The following PIEZO2 variants were observed in gnomAD, a reference collection of about 807,000 sequenced individuals.
The protein encoded by PIEZO2 is piezo-type mechanosensitive ion channel component 2.
PIEZO2 carries 172 observed loss-of-function variants against 337.3 expected under a neutral mutation model. The observed-to-expected ratio is 0.51, with a 90% CI of 0.45 to 0.58. The LOEUF (loss-of-function observed/expected upper bound fraction) is 0.58, where lower values mean the gene tolerates loss of function less well. PIEZO2 is among the 20% of genes least tolerant of loss of function. PIEZO2 has a pLI of 0.00. For synonymous variants in PIEZO2, 1,251 were observed against 1,228.5 expected, an observed-to-expected ratio of 1.02 and a Z score of -0.38; for missense variants, 3,028 against 3,391.3, an observed-to-expected ratio of 0.89 and a Z score of 2.66.
chr18:10,712,403 A>C (rs2035856575), intron 39 of PIEZO2, among the ~76,000 whole-genome samples: 1 of 152,250 alleles, frequency 6.6e-6, no homozygotes, highest in South Asian at 2.1e-4. Flanking sequence ...TAAAGAGAGA[A>C]TGATTCAGTT....
intron 2 of PIEZO2, among the ~76,000 whole-genome samples, chr18:10,986,269 A>G (rs2034867178): frequency 6.6e-6 from 1 of 152,038 alleles, no homozygotes; most frequent in South Asian, 2.1e-4. Flanking sequence ...AATGACAGAA[A>G]AGAATTCTAC....
chr18:11,045,438 C>T (rs1244040576), intron 2 of PIEZO2, among the ~76,000 whole-genome samples: 6 of 151,958 alleles, frequency 3.9e-5, no homozygotes, highest in African/African-American at 1.4e-4. Context: ...CCGTGAGACA[C>T]ATCACAGCCT....
chr18:11,068,697 A>T (rs1026252785), intron 1 of PIEZO2, among the ~76,000 whole-genome samples: 2 of 152,192 alleles, frequency 1.3e-5, no homozygotes, highest in African/African-American at 4.8e-5. Flanking sequence ...CCAGAAACAA[A>T]TGAAACAGAC....
At position 10,998,896 on chromosome 18, in the gene PIEZO2, G is replaced by A. The variant is rs377121245; in HGVS notation, c.161-19236C>T. Among the ~76,000 whole-genome samples the A allele has an allele frequency of 2.4e-4, 36 of 148,788 alleles. No homozygotes were observed. In the South Asian group the frequency reaches 2.8e-3, roughly 11 times the overall value. ...AAAAAAAAAGAAAGATTGTCACTGC[G>A]TAGATTCCAGTCAGGAACTGGGATT... On this transcript the variant is annotated intron_variant, in intron 2 of 55. Transcript: ENST00000674853.
intron 7 of PIEZO2, among the ~76,000 whole-genome samples, chr18:10,808,764 C>T (rs970635978): frequency 6.6e-6 from 1 of 152,116 alleles, no homozygotes; most frequent in Admixed American, 6.5e-5. Context: ...AATGTTTTTG[C>T]AGCCCTAGAT....
Position 10,973,660 on chromosome 18 carries a change from G to A in PIEZO2, c.286+5875C>T, listed in dbSNP as rs1298497827. On this transcript the variant is annotated intron_variant, in intron 3 of 55. Coordinates refer to ENST00000674853, the MANE Select transcript of PIEZO2 (RefSeq NM_001378183.1). The surrounding 1 kb of genome is among the most constrained non-coding windows in gnomAD (Gnocchi z 4.9). ...ACATCTGCTTTCAGGAAGCTGGCCC[G>A]AGGAGAGAAGAAGGCTGTGTGTTGT... Among the ~76,000 whole-genome samples the A allele has an allele frequency of 1.3e-5, 2 of 152,156 alleles. No homozygotes were observed. Among genetic ancestry groups the A allele is most frequent in the African/African-American group, 2.4e-5 (1 of 41,458 alleles).
At chr18:11,074,178 C>T (rs2038446384) in intron 1 of PIEZO2, among the ~76,000 whole-genome samples, 1 of 152,098 alleles carries the variant, frequency 6.6e-6, no homozygotes, top group African/African-American at 2.4e-5. Flanking sequence ...GTGATACTGC[C>T]TTTGTTCAAG....
intron 3 of PIEZO2, among the ~76,000 whole-genome samples, chr18:10,941,222 T>C (rs2032707312): frequency 6.6e-6 from 1 of 152,146 alleles, no homozygotes; most frequent in East Asian, 1.9e-4. Flanking sequence ...GTGGGAATCC[T>C]TAGAGAGAGT....
intron 3 of PIEZO2, among the ~76,000 whole-genome samples, chr18:10,963,775 G>A (rs1447711938): frequency 2.0e-5 from 3 of 152,196 alleles, no homozygotes; most frequent in East Asian, 1.9e-4. Flanking sequence ...AGACGACTGA[G>A]TATTTCCGTA....
rs2040823043 is a variant in PIEZO2, at chr18:10,830,826, TC to T, written c.918-23553del. ...AGGATATATAAGGAGTTCAAACAATTCAATAGGAAAAAAAATCTAATAATCT... is the reference window on the plus strand; with the variant it reads ...AGGATATATAAGGAGTTCAAACAATTAATAGGAAAAAAAATCTAATAATCT... On this transcript the variant is annotated intron_variant, in intron 7 of 55. Coordinates refer to ENST00000674853, the MANE Select transcript of PIEZO2 (RefSeq NM_001378183.1). This position sits in a 1 kb window ranked among gnomAD's most constrained non-coding sequence, Gnocchi z 4.7. Among the ~76,000 whole-genome samples, 1 of 151,954 alleles carries T rather than the reference TC, an allele frequency of 6.6e-6. No individual in the cohort carries two copies.
Position 11,102,777 on chromosome 18 carries a change from TTCTGGACA to T in PIEZO2, c.65-36563_65-36556del, listed in dbSNP as rs2039457228. Among the ~76,000 whole-genome samples, 1 of 152,200 alleles carries T rather than the reference TTCTGGACA, an allele frequency of 6.6e-6. No individual in the cohort carries two copies. Among genetic ancestry groups the T allele is most frequent in the Admixed American group, 6.5e-5 (1 of 15,278 alleles). ...AGCCTCAATGTTGGGGTTCCTGGCC[TTCTGGACA>T]GTCTGCTTGGACAGGACTTCAGACT... On this transcript the variant is annotated intron_variant, in intron 1 of 55. Transcript: ENST00000674853. This position sits in a 1 kb window ranked among gnomAD's most constrained non-coding sequence, Gnocchi z 5.7.
At chr18:11,025,325 T>G (rs545184278) in intron 2 of PIEZO2, among the ~76,000 whole-genome samples, 1 of 152,328 alleles carries the variant, frequency 6.6e-6, no homozygotes, top group East Asian at 1.9e-4. Context: ...CTCACAAATC[T>G]GGTGATAGGT....
chr18:10,845,579 G>C (rs1370012967), intron 7 of PIEZO2, among the ~76,000 whole-genome samples: 2 of 152,142 alleles, frequency 1.3e-5, no homozygotes, highest in African/African-American at 2.4e-5. Context: ...TAGTTACCAG[G>C]ATGGGTAGCC....
rs1320598507 is a variant in PIEZO2, at chr18:10,742,516, T to G, written c.4614A>C (p.Lys1538Asn). 1 of 1,536,478 alleles carries G rather than the reference T, an allele frequency of 6.5e-7. No individual in the cohort carries two copies. The highest frequency in any genetic ancestry group is 8.7e-7 in the Non-Finnish European group (1 of 1,146,694). Residue 1538 changes from lysine (K) to asparagine (N), a missense_variant, in exon 32 of 56, where the codon AAA becomes AAC. Coordinates refer to ENST00000674853, the MANE Select transcript of PIEZO2 (RefSeq NM_001378183.1). ...TACTTTCATCATCCTCTTCAGAGAG[T>G]TTTTGCATGTCCTGGCCTTCCCCTG... ...QEPGEGQDMQ[K>N]LSEEDDEREA...
Position 10,724,928 on chromosome 18 carries a change from G to A in PIEZO2, c.5029+6479C>T, listed in dbSNP as rs772371236. The A allele has an allele frequency of 8.1e-6, 13 of 1,604,912 alleles. No homozygotes were observed. In the East Asian group the frequency reaches 8.9e-5, roughly 11 times the overall value. ...ACCCTGGGACAGCCTCCACCTGGAC[G>A]GCGATGGAACCCAGGTGGGCGCACC... is the stretch of plus-strand genomic sequence containing the variant. On this transcript the variant is annotated intron_variant, in intron 36 of 55. Coordinates refer to ENST00000674853, the MANE Select transcript of PIEZO2 (RefSeq NM_001378183.1). This position sits in a 1 kb window ranked among gnomAD's most constrained non-coding sequence, Gnocchi z 5.8.
At chr18:10,876,818 C>G (rs1483340556) in intron 4 of PIEZO2, among the ~76,000 whole-genome samples, 1 of 152,158 alleles carries the variant, frequency 6.6e-6, no homozygotes, top group Non-Finnish European at 1.5e-5. Flanking sequence ...CATCATCCAC[C>G]TAATGCAACA....
chr18:10,912,966 A>T (rs185755817), intron 3 of PIEZO2, among the ~76,000 whole-genome samples: 2 of 146,630 alleles, frequency 1.4e-5, no homozygotes, highest in African/African-American at 5.0e-5. Context: ...GAGTAGGAGT[A>T]AAAAAAAAAA....
intron 18 of PIEZO2, among the ~76,000 whole-genome samples, chr18:10,777,392 C>T (rs1202575532): frequency 1.3e-5 from 2 of 152,218 alleles, no homozygotes; most frequent in African/African-American, 4.8e-5. Context: ...AGTATGGGTT[C>T]TGGGGACTTT....
intron 4 of PIEZO2, among the ~76,000 whole-genome samples, chr18:10,871,655 C>T (rs1256232844): frequency 6.6e-6 from 1 of 152,156 alleles, no homozygotes; most frequent in African/African-American, 2.4e-5. Flanking sequence ...TGAACCAATC[C>T]TCACTCCTAA....
Sources: allele counts gnomAD v4.1 joint callset (sites outside exome capture counted in the v4.1 genomes callset), GRCh38; gene constraint gnomAD v4.1.1; non-coding constraint Gnocchi (gnomAD v3.1); transcripts MANE v1.5; gene names NCBI Gene and HGNC (gene_info 2026-07-23, HGNC 2026-07-21).